Variants in BTD observed in about 807,000 individuals in gnomAD.
BTD encodes biotinidase, also known as biocytinase.
BTD carries 13 observed loss-of-function variants against 17.7 expected under a neutral mutation model. The ratio of observed to expected loss-of-function variants is 0.74; its 90% CI spans 0.48 to 1.17. The LOEUF (loss-of-function observed/expected upper bound fraction) is 1.17, where lower values mean the gene tolerates loss of function less well. BTD is among the 50% of genes most tolerant of loss of function. The probability of loss-of-function intolerance (pLI) is 0.00; values close to 1 mark genes in which losing one functional copy is unlikely to be tolerated. For missense variants in BTD, 674 were observed against 650.4 expected, an observed-to-expected ratio of 1.04 and a Z score of -0.39; for synonymous variants, 240 against 245.2, an observed-to-expected ratio of 0.98 and a Z score of 0.20.
intron 1 of BTD, among the ~76,000 whole-genome samples, chr3:15,607,710 A>G (rs1007584597): frequency 2.6e-5 from 4 of 152,250 alleles, no homozygotes; most frequent in African/African-American, 7.2e-5. Context: ...GTGATACATT[A>G]TAGAAGCTAA....
chr3:15,711,233 G>C, exon 4 of BTD: 2 of 1,612,712 alleles, frequency 1.2e-6, no homozygotes, highest in Non-Finnish European at 1.7e-6. Flanking sequence ...GCTGCATGTA[G>C]ACAAGTCCTG....
intron 1 of BTD, among the ~76,000 whole-genome samples, chr3:15,622,647 G>C (rs2064979750): frequency 6.6e-6 from 1 of 152,192 alleles, no homozygotes; most frequent in Non-Finnish European, 1.5e-5. Flanking sequence ...TGATAGAGGG[G>C]TGTTGAAGTT....
intron 1 of BTD, among the ~76,000 whole-genome samples, chr3:15,631,922 G>T (rs540256852): frequency 6.6e-6 from 1 of 152,260 alleles, no homozygotes; most frequent in South Asian, 2.1e-4. Context: ...AAATGCAGGG[G>T]GATGTTAGGA....
intron 1 of BTD, among the ~76,000 whole-genome samples, chr3:15,606,042 CAAAAAAAAAAAAAAA>C (rs11369757): frequency 3.1e-5 from 2 of 64,954 alleles, no homozygotes; most frequent in Non-Finnish European, 5.7e-5. Context: ...GACCCTGTCT[CAAAAAAAAAAAAAAA>C]AAAAAAAAAG....
chr3:15,602,330 T>A lies in BTD; in HGVS notation c.-17+436T>A, dbSNP rs979399755. The A allele has an allele frequency of 3.8e-6, 4 of 1,057,438 alleles. No homozygotes were observed. The African/African-American group carries it at 6.7e-5, about 18-fold the overall frequency. 65.5% of individuals were successfully genotyped at this position (1,057,438 alleles called of 1,614,324 possible). On this transcript the variant is annotated intron_variant, in intron 1 of 3. Transcript: ENST00000643237. ...TTGAAGGTAGTATAGAGCACTGTTT[T>A]CTCCAGCCCTTGCTACTAATCCATA...
chr3:15,695,414 A>C (rs1217274294), intron 3 of BTD, among the ~76,000 whole-genome samples: 1 of 152,138 alleles, frequency 6.6e-6, no homozygotes, highest in Non-Finnish European at 1.5e-5. Flanking sequence ...TTTGGTGTGA[A>C]TATCCATAAC....
At chr3:15,607,097 T>C (rs568444040) in intron 1 of BTD, among the ~76,000 whole-genome samples, 1 of 152,270 alleles carries the variant, frequency 6.6e-6, no homozygotes, top group Admixed American at 6.5e-5. Context: ...TCTTTTGTAA[T>C]TTCTCAGAGG....
chr3:15,676,403 C>A (rs1408747575), intron 3 of BTD, among the ~76,000 whole-genome samples: 2 of 152,190 alleles, frequency 1.3e-5, no homozygotes, highest in Non-Finnish European at 2.9e-5. Flanking sequence ...AAACAGCTTA[C>A]AAGCATCATG....
At chr3:15,630,968 G>A (rs1048351380) in intron 1 of BTD, among the ~76,000 whole-genome samples, 7 of 152,220 alleles carry the variant, frequency 4.6e-5, no homozygotes, top group African/African-American at 1.7e-4. Flanking sequence ...ATAACAAGAG[G>A]CAAGAGAAGA....
At chr3:15,714,730 C>A (rs2072797196), downstream of BTD, 4 of 950,544 alleles carry the variant, frequency 4.2e-6, no homozygotes, top group Non-Finnish European at 6.0e-6. Flanking sequence ...CTTTGAATAC[C>A]CTCTTGCATC....
chr3:15,605,862 G>A (rs2064434140), intron 1 of BTD, among the ~76,000 whole-genome samples: 1 of 151,908 alleles, frequency 6.6e-6, no homozygotes, highest in South Asian at 2.1e-4. Flanking sequence ...TGGCCAATGT[G>A]GTGAAACCCC....
chr3:15,710,711 G>T (rs2072152046), exon 4 of BTD, among the ~76,000 whole-genome samples: 1 of 152,122 alleles, frequency 6.6e-6, no homozygotes, highest in African/African-American at 2.4e-5. Context: ...TTGCTCGTAT[G>T]AACCAACTGC....
chr3:15,695,889 T>C (rs945962993), intron 3 of BTD, among the ~76,000 whole-genome samples: 1 of 152,058 alleles, frequency 6.6e-6, no homozygotes, highest in East Asian at 1.9e-4. Context: ...GAGAAGTAAA[T>C]AGTGTAGACA....
At chr3:15,659,940 C>G (rs561163586) in intron 3 of BTD, among the ~76,000 whole-genome samples, 2 of 152,198 alleles carry the variant, frequency 1.3e-5, no homozygotes, top group South Asian at 4.1e-4. Context: ...AAAGGTCACA[C>G]AGCCAAAAAG....
chr3:15,616,815 A>G (rs530468624), intron 1 of BTD, among the ~76,000 whole-genome samples: 2 of 151,954 alleles, frequency 1.3e-5, no homozygotes, highest in Non-Finnish European at 2.9e-5. Context: ...ATGTCTGTTC[A>G]GATCTTTTGC....
intron 3 of BTD, among the ~76,000 whole-genome samples, chr3:15,667,071 T>C (rs1686251920): frequency 6.6e-6 from 1 of 152,226 alleles, no homozygotes; most frequent in South Asian, 2.1e-4. Flanking sequence ...GCAGTATTTG[T>C]TGAATAAATA....
Position 15,643,037 on chromosome 3 carries a change from A to AT in BTD, c.399+980_399+981insT, listed in dbSNP as rs1553653316. Among the ~76,000 whole-genome samples, 95 of 101,182 alleles carry AT rather than the reference A, an allele frequency of 9.4e-4. 1 individual carries two copies. The highest frequency in any genetic ancestry group is 3.2e-3 in the African/African-American group (76 of 23,772). 66.4% of individuals were successfully genotyped at this position (101,182 alleles called of 152,430 possible). A position where few individuals can be genotyped will look rare whatever the true frequency, so the allele number is the denominator to read the frequency against. ...AGCAAAACTCTGCCTCAAAAAAAAA[A>AT]AAAAAAATAAAATAAAATAAAGAAA... On this transcript the variant is annotated intron_variant, in intron 3 of 3. Transcript: ENST00000643237.
chr3:15,627,885 T>G (rs757207724), intron 1 of BTD, among the ~76,000 whole-genome samples: 1 of 152,190 alleles, frequency 6.6e-6, no homozygotes, highest in African/African-American at 2.4e-5. Context: ...CACGCCTGGC[T>G]AATTTTTTGT....
chr3:15,642,549 G>A (rs981273760), intron 3 of BTD, among the ~76,000 whole-genome samples: 7 of 151,448 alleles, frequency 4.6e-5, no homozygotes, highest in Admixed American at 3.9e-4. Flanking sequence ...CTGCCTTCCG[G>A]GTTCATGCCA....
Sources: gnomAD v4.1 joint callset for allele counts (sites outside exome capture counted in the v4.1 genomes callset) on GRCh38, gnomAD v4.1.1 for gene constraint, MANE v1.5 for transcripts, NCBI Gene and HGNC (gene_info 2026-07-23, HGNC 2026-07-21) for gene names.